Variants in DMD observed in about 807,000 individuals in gnomAD.
The protein encoded by DMD is mutant dystrophin.
DMD carries 63 observed loss-of-function variants against 330.1 expected under a neutral mutation model. The ratio of observed to expected loss-of-function variants is 0.19; its 90% CI spans 0.16 to 0.24. DMD has a LOEUF of 0.24. Among genes scored for constraint, DMD ranks in the 10% least tolerant of loss-of-function variants. The probability of loss-of-function intolerance (pLI) is 1.00; values close to 1 mark genes in which losing one functional copy is unlikely to be tolerated. For synonymous variants in DMD, 1,223 were observed against 959.8 expected (o/e 1.27, Z -5.07); for missense variants, 3,344 against 2,684.1 (o/e 1.25, Z -5.43).
chrX:31,668,943 C>A (rs1316705009), intron 53 of DMD, among the ~76,000 whole-genome samples: 1 of 112,089 alleles, frequency 8.9e-6, no homozygotes, highest in Non-Finnish European at 1.9e-5. Flanking sequence ...AAAGGATATT[C>A]TTTATTTAAG....
intron 1 of DMD, among the ~76,000 whole-genome samples, chrX:33,309,213 C>T (rs2053811378): frequency 9.0e-6 from 1 of 111,635 alleles, no homozygotes; most frequent in Non-Finnish European, 1.9e-5. Flanking sequence ...AAATAATTAA[C>T]AGGATTATAA....
intron 16 of DMD, among the ~76,000 whole-genome samples, chrX:32,553,297 A>T (rs1313015899): frequency 9.0e-6 from 1 of 111,661 alleles, no homozygotes; most frequent in Non-Finnish European, 1.9e-5. Flanking sequence ...CATTATCCTA[A>T]GCAAACTAAC....
chrX:32,862,893 C>T (rs1035986270), intron 2 of DMD, among the ~76,000 whole-genome samples: 19 of 110,449 alleles, frequency 1.7e-4, no homozygotes, highest in African/African-American at 4.9e-4. Context: ...CGAGCCACTA[C>T]GCTTGGCTAA....
chrX:32,160,220 T>G (rs1009175055), intron 44 of DMD, among the ~76,000 whole-genome samples: 71 of 109,493 alleles, frequency 6.5e-4, no homozygotes, highest in South Asian at 1.2e-3. Context: ...TTTTTTTTTT[T>G]TTTGTTTGCG....
intron 5 of DMD, among the ~76,000 whole-genome samples, chrX:32,820,861 G>A (rs1023287474): frequency 3.6e-4 from 40 of 112,000 alleles, no homozygotes; most frequent in Non-Finnish European, 6.9e-4. Context: ...TGGGTGTTGG[G>A]CATCTTATTT....
chrX:33,249,744 A>T (rs142807851), intron 1 of DMD, among the ~76,000 whole-genome samples: 2,421 of 110,833 alleles, frequency 0.022, 33 homozygotes, highest in Non-Finnish European at 0.033. Context: ...ACAGTTTTGA[A>T]TAATTTCTTC....
chrX:31,785,484 T>C (rs996199710), intron 50 of DMD, among the ~76,000 whole-genome samples: 3 of 112,234 alleles, frequency 2.7e-5, no homozygotes, highest in African/African-American at 9.7e-5. Flanking sequence ...CTTTAAGTTC[T>C]GGGATACATG....
intron 2 of DMD, among the ~76,000 whole-genome samples, chrX:32,888,062 CTT>C (rs201921682): frequency 1.8e-5 from 2 of 109,568 alleles, no homozygotes; most frequent in Admixed American, 9.8e-5. Flanking sequence ...CCTCAACAGA[CTT>C]TTTTTTTGAA....
At position 32,346,038 on chromosome X, in the gene DMD, C is replaced by T; in HGVS notation, c.5491G>A (p.Gly1831Arg). 1 of 1,209,327 alleles carries T rather than the reference C, an allele frequency of 8.3e-7. No individual in the cohort carries two copies. The highest frequency in any genetic ancestry group is 1.1e-6 in the Non-Finnish European group (1 of 893,992). Residue 1831 changes from glycine (G) to arginine (R), a missense_variant, in exon 39 of 79, where the codon GGA (glycine) becomes AGA (arginine). Coordinates refer to ENST00000357033, the MANE Select transcript of DMD (RefSeq NM_004006.3). ...EGTVKELLQR[G>R]DNLQQRITDE... ...GTGATTCTTTGTTGTAAGTTGTCTC[C>T]TCTTTGCAACAATTCTTTTACAGTA...
At chrX:32,574,018 G>T (rs774858022) in intron 13 of DMD, among the ~76,000 whole-genome samples, 172 bp from the exon 14 acceptor site, 1 of 112,249 alleles carries the variant, frequency 8.9e-6, no homozygotes, top group Non-Finnish European at 1.9e-5. Context: ...ACTGTCATTT[G>T]TCTTTATCTC....
chrX:32,073,647 TA>T (rs1243442202), intron 44 of DMD, among the ~76,000 whole-genome samples: 1 of 111,793 alleles, frequency 8.9e-6, no homozygotes, highest in Non-Finnish European at 1.9e-5. Context: ...TTTCAAAGAA[TA>T]ATTTAAACTG....
chrX:32,292,715 A>C (rs771067546), intron 42 of DMD, among the ~76,000 whole-genome samples: 1 of 112,084 alleles, frequency 8.9e-6, no homozygotes, highest in Non-Finnish European at 1.9e-5. Flanking sequence ...CTTCACAATC[A>C]GAGAGGGAAA....
intron 30 of DMD, among the ~76,000 whole-genome samples, chrX:32,409,443 C>A (rs1009877845): frequency 9.9e-5 from 11 of 110,973 alleles, no homozygotes; most frequent in Admixed American, 2.9e-4. Flanking sequence ...AAAAACCAAG[C>A]AAAATATTTT....
intron 9 of DMD, among the ~76,000 whole-genome samples, chrX:32,652,113 C>A (rs2060198834): frequency 9.0e-6 from 1 of 111,250 alleles, no homozygotes. Context: ...GCCTATTAAA[C>A]AAAAGGTTCT....
intron 13 of DMD, among the ~76,000 whole-genome samples, chrX:32,578,360 G>A (rs991144380): frequency 2.7e-5 from 3 of 112,102 alleles, no homozygotes; most frequent in Non-Finnish European, 5.6e-5. Flanking sequence ...GGTAAAAGAA[G>A]TTAATTTTTA....
At chrX:32,873,458 C>G (rs900479512) in intron 2 of DMD, among the ~76,000 whole-genome samples, 4 of 111,003 alleles carry the variant, frequency 3.6e-5, no homozygotes, top group Admixed American at 1.9e-4. Context: ...CCTGTTAATT[C>G]TGATCCAAGT....
intron 45 of DMD, among the ~76,000 whole-genome samples, chrX:31,940,258 A>C (rs2094977423): frequency 8.9e-6 from 1 of 111,738 alleles, no homozygotes; most frequent in South Asian, 3.7e-4. Flanking sequence ...AGAAGGAGAC[A>C]TTTGAGCAAA....
chrX:32,554,846 G>GGTA (rs2050019067), intron 16 of DMD, among the ~76,000 whole-genome samples: 7 of 59,050 alleles, frequency 1.2e-4, no homozygotes, highest in Non-Finnish European at 2.3e-4. Flanking sequence ...GAGAGAGAGA[G>GGTA]AGAGAGAGAG....
In DMD at chrX:32,079,272, A is replaced by G. The variant is rs1178906962; in HGVS notation, c.6439-110758T>C. Reference sequence around the variant, plus strand: ...GAGCTGGCCCCTTCTTGTCATTCAGATCTCTGTTTAAATAACATGGCTCAG... The same window carrying G: ...GAGCTGGCCCCTTCTTGTCATTCAGGTCTCTGTTTAAATAACATGGCTCAG... On this transcript the variant is annotated intron_variant, in intron 44 of 78. Transcript: ENST00000357033. 2.7e-5 allele frequency among the ~76,000 whole-genome samples: 3 copies of G among 111,603 alleles called. No individual in the cohort carries two copies. In the East Asian group the frequency reaches 8.5e-4, roughly 31 times the overall value.
Sources: allele counts gnomAD v4.1 joint callset (sites outside exome capture counted in the v4.1 genomes callset), GRCh38; gene constraint gnomAD v4.1.1; transcripts MANE v1.5; gene names NCBI Gene and HGNC (gene_info 2026-07-23, HGNC 2026-07-21).